OSBPL5: variants seen among roughly 807,000 people sequenced by gnomAD.
OSBPL5 encodes oxysterol binding protein like 5.
A neutral mutation model predicts 111.2 loss-of-function variants in OSBPL5; 71 were observed. The observed-to-expected ratio is 0.64, with a 90% CI of 0.53 to 0.78. OSBPL5 has a LOEUF of 0.78. OSBPL5 is among the 30% of genes least tolerant of loss of function. The pLI is 0.00. For synonymous variants in OSBPL5, 549 were observed against 513.9 expected, an observed-to-expected ratio of 1.07 and a Z score of -0.93; for missense variants, 1,210 against 1,189.3, an observed-to-expected ratio of 1.02 and a Z score of -0.26.
intron 1 of OSBPL5, among the ~76,000 whole-genome samples, chr11:3,156,219 A>G (rs1846754088): frequency 6.6e-6 from 1 of 152,166 alleles, no homozygotes; most frequent in Non-Finnish European, 1.5e-5. Flanking sequence ...TGCCCAAGGA[A>G]ACCGGAACGC....
rs1858327337 is a variant in OSBPL5, at chr11:3,119,531, G to A, written c.691+16C>T. 6.4e-7 allele frequency: 1 copy of A among 1,563,964 alleles called. No homozygotes were observed. Among genetic ancestry groups the A allele is most frequent in the East Asian group, 2.5e-5 (1 of 40,216 alleles). Reference sequence around the variant, plus strand: ...GTGGGGGCACTGGGGAGATGCGCAAGCTGGCAGGGACTCACCATCTGACTC... The same window carrying A: ...GTGGGGGCACTGGGGAGATGCGCAAACTGGCAGGGACTCACCATCTGACTC... On this transcript the variant is annotated intron_variant, in intron 7 of 21. Transcript: ENST00000263650.
In OSBPL5 at chr11:3,121,286, G is replaced by A. The variant is rs1452774518; in HGVS notation, c.403-662C>T. Among the ~76,000 whole-genome samples the A allele has an allele frequency of 6.6e-6, 1 of 152,094 alleles. No individual in the cohort carries two copies. The highest frequency in any genetic ancestry group is 2.4e-5 in the African/African-American group (1 of 41,402). ...TTGGACAGGCTGGTCTCAAACTCCTGACCTCAGGTGATCCACCCGCCTTAG... is the reference window on the plus strand; with the variant it reads ...TTGGACAGGCTGGTCTCAAACTCCTAACCTCAGGTGATCCACCCGCCTTAG... On this transcript the variant is annotated intron_variant, in intron 5 of 21. Coordinates refer to ENST00000263650, the MANE Select transcript of OSBPL5 (RefSeq NM_020896.4). The surrounding 1 kb of genome is among the most constrained non-coding windows in gnomAD (Gnocchi z 4.3).
Position 3,100,151 on chromosome 11 carries a change from C to G in OSBPL5, c.1621+7G>C, listed in dbSNP as rs1354568290. The G allele has an allele frequency of 6.2e-7, 1 of 1,613,786 alleles. No individual in the cohort carries two copies. The highest frequency in any genetic ancestry group is 8.5e-7 in the Non-Finnish European group (1 of 1,179,808). On this transcript the variant is annotated splice_region_variant and intron_variant, in intron 14 of 21. Transcript: ENST00000263650. The stretch of plus-strand genomic sequence containing the variant: ...CTGCCCTCGGAGTGTGTGGCTGAGC[C>G]TCTCACCTTTGCAGTGGGCGTAGGG...
rs571169387 is a variant in OSBPL5, at chr11:3,092,634, G to A, written c.2133-76C>T. The A allele has an allele frequency of 1.4e-6, 2 of 1,470,748 alleles. No individual in the cohort carries two copies. The highest frequency in any genetic ancestry group is 4.6e-5 in the Admixed American group (2 of 43,786). 91.1% of individuals were successfully genotyped at this position (1,470,748 alleles called of 1,614,324 possible). On this transcript the variant is annotated intron_variant, in intron 18 of 21. Coordinates refer to ENST00000263650, the MANE Select transcript of OSBPL5 (RefSeq NM_020896.4). This position sits in a 1 kb window ranked among gnomAD's most constrained non-coding sequence, Gnocchi z 5.4. ...GGGGGCTGTCCTGGCCCAGTCTTCA[G>A]CCCCCCAACAGTGGCCAGAGACCTC...
chr11:3,136,168 G>A (rs576353376), intron 1 of OSBPL5, among the ~76,000 whole-genome samples: 40 of 152,298 alleles, frequency 2.6e-4, no homozygotes, highest in African/African-American at 8.9e-4. Context: ...GCCAAGGCCA[G>A]CTGTTTGGCA....
chr11:3,101,241 C>T (rs1268412984), intron 13 of OSBPL5, among the ~76,000 whole-genome samples: 1 of 149,428 alleles, frequency 6.7e-6, no homozygotes, highest in Non-Finnish European at 1.5e-5. Flanking sequence ...TCCCAAAGTG[C>T]TGGGATTACA....
rs934156075 is a variant in OSBPL5, at chr11:3,106,564, C to T, written c.1059+699G>A. ...CTCTCCAGCTGCGGGGAGTCAGCTGCCCTGGCTGTTCATCTGCAGGCATGC... is the reference window on the plus strand; with the variant it reads ...CTCTCCAGCTGCGGGGAGTCAGCTGTCCTGGCTGTTCATCTGCAGGCATGC... On this transcript the variant is annotated intron_variant, in intron 9 of 21. Coordinates refer to ENST00000263650, the MANE Select transcript of OSBPL5 (RefSeq NM_020896.4). The surrounding 1 kb of genome is among the most constrained non-coding windows in gnomAD (Gnocchi z 8.4). 5.3e-5 allele frequency among the ~76,000 whole-genome samples: 8 copies of T among 152,328 alleles called. No homozygotes were observed. The highest frequency in any genetic ancestry group is 1.9e-4 in the African/African-American group (8 of 41,578).
intron 1 of OSBPL5, among the ~76,000 whole-genome samples, chr11:3,155,405 G>T (rs1481271256): frequency 6.6e-6 from 1 of 152,104 alleles, no homozygotes; most frequent in Non-Finnish European, 1.5e-5. Context: ...CAAGCACCGA[G>T]GGGGGATGGG....
chr11:3,090,772 C>T, intron 19 of OSBPL5, 76 bp from the exon 20 acceptor site: 1 of 1,501,826 alleles, frequency 6.7e-7, no homozygotes, highest in South Asian at 1.3e-5. Context: ...TGGTGGCATG[C>T]TTATGCCAGG....
rs1016442359 is a variant in OSBPL5, at chr11:3,110,170, G to A, written c.692-2225C>T. Among the ~76,000 whole-genome samples, 4 of 152,192 alleles carry A rather than the reference G, an allele frequency of 2.6e-5. No individual in the cohort carries two copies. Among genetic ancestry groups the A allele is most frequent in the African/African-American group, 9.7e-5 (4 of 41,448 alleles). ...AGACTCCAACCTGAGAGGCACCGGA[G>A]CCCCGTGGTCAAGGCCAGACTGCTT... On this transcript the variant is annotated intron_variant, in intron 7 of 21. Coordinates refer to ENST00000263650, the MANE Select transcript of OSBPL5 (RefSeq NM_020896.4). This position sits in a 1 kb window ranked among gnomAD's most constrained non-coding sequence, Gnocchi z 5.3.
In OSBPL5 at chr11:3,154,054, G is replaced by A. The variant is rs925192525; in HGVS notation, c.-22+11162C>T. On this transcript the variant is annotated intron_variant, in intron 1 of 21. Transcript: ENST00000263650. This position sits in a 1 kb window ranked among gnomAD's most constrained non-coding sequence, Gnocchi z 4.9. ...CAGCCCCCAAGGAAGGTCTGTGCCCGGGAAACACATGGCATTCAAACCGCC... is the reference window on the plus strand; with the variant it reads ...CAGCCCCCAAGGAAGGTCTGTGCCCAGGAAACACATGGCATTCAAACCGCC... Among the ~76,000 whole-genome samples, 21 of 152,240 alleles carry A rather than the reference G, an allele frequency of 1.4e-4. No individual in the cohort carries two copies. Among genetic ancestry groups the A allele is most frequent in the Admixed American group, 1.0e-3 (16 of 15,292 alleles).
In OSBPL5 at chr11:3,120,620, C is replaced by T. The variant is rs1412170930; in HGVS notation, c.407G>A (p.Arg136His). Residue 136 changes from arginine to histidine, a missense_variant, in exon 6 of 22, where the codon CGC (arginine) becomes CAC (histidine). Physicochemically the swap from Arg to His is conservative, Grantham distance 29. Coordinates refer to ENST00000263650, the MANE Select transcript of OSBPL5 (RefSeq NM_020896.4). The stretch of plus-strand genomic sequence containing the variant: ...CTTGGTCCAGCTCTTCAGGGTGCCG[C>T]GGATCTGCAGGGAGGATGCTGGCGT... ...VVIMADSLKI[R>H]GTLKSWTKLW... The T allele has an allele frequency of 3.1e-6, 5 of 1,612,436 alleles. No individual in the cohort carries two copies. Among genetic ancestry groups the T allele is most frequent in the Middle Eastern group, 1.7e-4 (1 of 5,818 alleles).
Position 3,129,044 on chromosome 11 carries a change from G to T in OSBPL5, c.105C>A (p.Ser35Arg). 6.3e-7 allele frequency: 1 copy of T among 1,587,202 alleles called. No individual in the cohort carries two copies. The highest frequency in any genetic ancestry group is 8.6e-7 in the Non-Finnish European group (1 of 1,167,558). The change falls in exon 2 of 22, where the codon AGC becomes AGA. Residue 35 changes from serine to arginine, a missense_variant. Coordinates refer to ENST00000263650, the MANE Select transcript of OSBPL5 (RefSeq NM_020896.4). The stretch of plus-strand genomic sequence containing the variant: ...TGAGTGGGTAGAGCTCATTGTCTCC[G>T]CTGAGGAGCAAGTTCCGGGTGAGCT... The part of the protein sequence containing the change: ...PRKLTRNLLL[S>R]GDNELYPLSP...
At chr11:3,127,673 G>C (rs1002025821) in intron 2 of OSBPL5, among the ~76,000 whole-genome samples, 1 of 152,198 alleles carries the variant, frequency 6.6e-6, no homozygotes, top group Non-Finnish European at 1.5e-5. Context: ...AGTTCTAGGG[G>C]CTTGGCCTGT....
At chr11:3,163,083 C>T (rs182199240) in intron 1 of OSBPL5, among the ~76,000 whole-genome samples, 97 of 152,326 alleles carry the variant, frequency 6.4e-4, no homozygotes, top group African/African-American at 2.0e-3. Flanking sequence ...CCCTGGGCCT[C>T]GGCCCCTCTA....
At position 3,162,352 on chromosome 11, in the gene OSBPL5, T is replaced by C. The variant is rs979484051; in HGVS notation, c.-22+2864A>G. 7.9e-5 allele frequency among the ~76,000 whole-genome samples: 12 copies of C among 151,948 alleles called. No homozygotes were observed. The highest frequency in any genetic ancestry group is 1.6e-4 in the Non-Finnish European group (11 of 67,984). On this transcript the variant is annotated intron_variant, in intron 1 of 21. Transcript: ENST00000263650. This position sits in a 1 kb window ranked among gnomAD's most constrained non-coding sequence, Gnocchi z 8.1. ...GCTCTGAGATTTGCAACAAAGGCCC[T>C]CTAGGAATTCTGGATCCCTCTAAGC...
chr11:3,097,259 G>T (rs1857305709), intron 14 of OSBPL5, among the ~76,000 whole-genome samples: 1 of 152,054 alleles, frequency 6.6e-6, no homozygotes, highest in Admixed American at 6.6e-5. Context: ...AACCAGGAGA[G>T]ATTTTTTCCG....
rs929302815 is a variant in OSBPL5, at chr11:3,154,411, G to C, written c.-22+10805C>G. ...TGGCACAGGCGGGGTGAGCCCGGAA[G>C]GGTGAGCATGCGCCTGCTGACGCTT... is the stretch of plus-strand genomic sequence containing the variant. On this transcript the variant is annotated intron_variant, in intron 1 of 21. Transcript: ENST00000263650. This position sits in a 1 kb window ranked among gnomAD's most constrained non-coding sequence, Gnocchi z 4.9. 1.1e-4 allele frequency among the ~76,000 whole-genome samples: 16 copies of C among 152,378 alleles called. 1 individual carries two copies. The highest frequency in any genetic ancestry group is 3.4e-4 in the African/African-American group (14 of 41,600).
intron 10 of OSBPL5, 82 bp from the exon 11 acceptor site, chr11:3,103,402 A>C: frequency 3.1e-6 from 4 of 1,277,806 alleles, no homozygotes; most frequent in South Asian, 1.4e-5. Flanking sequence ...CCCTCCTACC[A>C]TCCCGACCTC....
Sources: gnomAD v4.1 joint callset for allele counts (sites outside exome capture counted in the v4.1 genomes callset) on GRCh38, gnomAD v4.1.1 for gene constraint, Gnocchi (gnomAD v3.1) non-coding constraint, MANE v1.5 for transcripts, NCBI Gene and HGNC (gene_info 2026-07-23, HGNC 2026-07-21) for gene names.